HS6ST2: variants seen among roughly 807,000 people sequenced by gnomAD.
HS6ST2 encodes heparan sulfate 6-O-sulfotransferase 2.
A neutral mutation model predicts 33.0 loss-of-function variants in HS6ST2; 17 were observed. That is an observed-to-expected ratio of 0.52 (90% confidence interval 0.35 to 0.77). HS6ST2 has a LOEUF of 0.77. Ranked by LOEUF, HS6ST2 falls within the 30% of genes least tolerant of loss-of-function variation. HS6ST2 has a pLI of 0.01. For missense variants in HS6ST2, 519 were observed against 551.7 expected, an observed-to-expected ratio of 0.94 and a Z score of 0.59; for synonymous variants, 248 against 237.1, an observed-to-expected ratio of 1.05 and a Z score of -0.42.
chrX:132,768,362 G>A (rs1178576797), intron 2 of HS6ST2, among the ~76,000 whole-genome samples: 1 of 108,077 alleles, frequency 9.3e-6, no homozygotes, highest in Admixed American at 9.9e-5. Flanking sequence ...AAAACTCAGG[G>A]TGAGTGGGAT....
chrX:132,945,632 T>G (rs898546609), intron 2 of HS6ST2, among the ~76,000 whole-genome samples: 5 of 109,851 alleles, frequency 4.6e-5, no homozygotes, highest in Non-Finnish European at 9.5e-5. Flanking sequence ...CAGACTGGAT[T>G]AAGAAAATGT....
intron 2 of HS6ST2, among the ~76,000 whole-genome samples, chrX:132,920,869 T>C (rs1043004539): frequency 1.1e-4 from 12 of 112,230 alleles, no homozygotes; most frequent in Non-Finnish European, 1.9e-4. Context: ...AGTCCTCACA[T>C]TGTTTTGCCC....
In HS6ST2 at chrX:132,756,820, G is replaced by GGTGTGTGTGTGT. The variant is rs3065679; in HGVS notation, c.948-48338_948-48327dup. ...CTTGCTCTCCCATTCCCCTGTGCAT[G>GGTGTGTGTGTGT]GTGTGTGTGTGTGTGTGTGTGTGTG... is the stretch of plus-strand genomic sequence containing the variant. On this transcript the variant is annotated intron_variant, in intron 2 of 4. Transcript: ENST00000370833. Among the ~76,000 whole-genome samples, 653 of 97,314 alleles carry GGTGTGTGTGTGT rather than the reference G, an allele frequency of 6.7e-3. 8 individuals are homozygous for GGTGTGTGTGTGT. Among genetic ancestry groups the GGTGTGTGTGTGT allele is most frequent in the East Asian group, 0.06 (176 of 2,941 alleles). The allele number at this position is 97,314 out of a possible 115,157, so 84.5% of individuals were successfully genotyped here.
intron 2 of HS6ST2, among the ~76,000 whole-genome samples, chrX:132,922,058 T>C (rs1203669066): frequency 8.9e-6 from 1 of 112,274 alleles, no homozygotes; most frequent in Non-Finnish European, 1.9e-5. Context: ...CAGAAAGCTA[T>C]AGACATAAAG....
chrX:132,799,405 T>G (rs901261132), intron 2 of HS6ST2, among the ~76,000 whole-genome samples: 1 of 108,575 alleles, frequency 9.2e-6, no homozygotes, highest in African/African-American at 3.4e-5. Flanking sequence ...GACAGGGTCT[T>G]GCCCTGTCAT....
At chrX:132,804,174 C>G (rs956659566) in intron 2 of HS6ST2, among the ~76,000 whole-genome samples, 1 of 112,281 alleles carries the variant, frequency 8.9e-6, no homozygotes. Context: ...GGACTGTTGA[C>G]AGGTTTTCTC....
chrX:132,676,711 A>C (rs1439389188), intron 3 of HS6ST2, among the ~76,000 whole-genome samples: 1 of 111,665 alleles, frequency 9.0e-6, no homozygotes, highest in Non-Finnish European at 1.9e-5. Flanking sequence ...CTGAGAATTT[A>C]CAATTCTATC....
At chrX:132,839,272 G>GTA (rs748319681) in intron 2 of HS6ST2, among the ~76,000 whole-genome samples, 1,360 of 62,506 alleles carry the variant, frequency 0.022, 13 homozygotes, top group Middle Eastern at 0.035. Context: ...TGTAGTGTGT[G>GTA]TATATATATA....
intron 2 of HS6ST2, among the ~76,000 whole-genome samples, chrX:132,858,778 G>C (rs1162104475): frequency 8.9e-6 from 1 of 112,351 alleles, no homozygotes; most frequent in Non-Finnish European, 1.9e-5. Context: ...TCTCTCCCTT[G>C]TTCTGCAACA....
intron 2 of HS6ST2, among the ~76,000 whole-genome samples, chrX:132,927,204 TA>T (rs1401581226): frequency 9.0e-6 from 1 of 110,852 alleles, no homozygotes; most frequent in African/African-American, 3.3e-5. Flanking sequence ...TTCTTCCTCC[TA>T]AACCTCCTGA....
chrX:132,955,609 C>A (rs898511757), intron 2 of HS6ST2, among the ~76,000 whole-genome samples: 1 of 111,828 alleles, frequency 8.9e-6, no homozygotes, highest in Non-Finnish European at 1.9e-5. Flanking sequence ...GGCCCAGAGA[C>A]CCCATCCAGA....
intron 2 of HS6ST2, among the ~76,000 whole-genome samples, chrX:132,932,330 G>C (rs1361243063): frequency 2.7e-5 from 3 of 111,472 alleles, no homozygotes; most frequent in African/African-American, 9.8e-5. Flanking sequence ...TAACAACAGA[G>C]ACAGACTGTT....
At chrX:132,868,866 C>G (rs980019805) in intron 2 of HS6ST2, among the ~76,000 whole-genome samples, 4 of 110,854 alleles carry the variant, frequency 3.6e-5, no homozygotes, top group Non-Finnish European at 7.6e-5. Context: ...TCACAATTAA[C>G]AGAACTAGAG....
intron 2 of HS6ST2, among the ~76,000 whole-genome samples, chrX:132,751,702 C>T (rs144455955): frequency 4.4e-5 from 5 of 112,912 alleles, no homozygotes; most frequent in East Asian, 5.6e-4. Flanking sequence ...CTGTCACTTC[C>T]GGGATTCTCC....
At chrX:132,733,110 TC>T (rs1340055533) in intron 2 of HS6ST2, among the ~76,000 whole-genome samples, 2 of 111,703 alleles carry the variant, frequency 1.8e-5, no homozygotes, top group Non-Finnish European at 3.8e-5. Flanking sequence ...CCTCCCTTTG[TC>T]CTCTACTCTC....
intron 2 of HS6ST2, among the ~76,000 whole-genome samples, chrX:132,949,700 T>C (rs1213088600): frequency 9.0e-6 from 1 of 111,438 alleles, no homozygotes; most frequent in Non-Finnish European, 1.9e-5. Flanking sequence ...CTTATTGTTA[T>C]TATATAAGTA....
At chrX:132,683,508 A>AATTGCTAC (rs1278226716) in intron 3 of HS6ST2, among the ~76,000 whole-genome samples, 1 of 111,949 alleles carries the variant, frequency 8.9e-6, no homozygotes, top group Non-Finnish European at 1.9e-5. Context: ...TAGCACCCGT[A>AATTGCTAC]ATTGCTACAG....
intron 2 of HS6ST2, among the ~76,000 whole-genome samples, chrX:132,757,770 T>C (rs1359945924): frequency 8.9e-6 from 1 of 112,275 alleles, no homozygotes; most frequent in Admixed American, 9.5e-5. Flanking sequence ...AAATAAGACT[T>C]GGGCCATTCC....
intron 2 of HS6ST2, among the ~76,000 whole-genome samples, chrX:132,942,311 T>A (rs1371317065): frequency 8.9e-6 from 1 of 112,237 alleles, no homozygotes; most frequent in Non-Finnish European, 1.9e-5. Context: ...AATGTCACAC[T>A]GGCCTCTGGT....
Sources: gnomAD v4.1 joint callset for allele counts (sites outside exome capture counted in the v4.1 genomes callset) on GRCh38, gnomAD v4.1.1 for gene constraint, MANE v1.5 for transcripts, NCBI Gene and HGNC (gene_info 2026-07-23, HGNC 2026-07-21) for gene names.